ZFPM2: variants seen among roughly 807,000 people sequenced by gnomAD.
ZFPM2 encodes zinc finger protein ZFPM2.
Under a neutral mutation model 98.6 loss-of-function variants are expected in ZFPM2, and 20 were observed. The ratio of observed to expected loss-of-function variants is 0.20; its 90% confidence interval spans 0.14 to 0.29. ZFPM2 has a LOEUF of 0.29. Among genes scored for constraint, ZFPM2 ranks in the 10% least tolerant of loss-of-function variants. The pLI is 1.00. For synonymous variants in ZFPM2, 518 were observed against 502.7 expected (o/e 1.03, Z -0.41); for missense variants, 1,310 against 1,388.6 (o/e 0.94, Z 0.90).
At chr8:105,350,994 C>G (rs1435793102) in intron 1 of ZFPM2, among the ~76,000 whole-genome samples, 1 of 151,746 alleles carries the variant, frequency 6.6e-6, no homozygotes, top group African/African-American at 2.4e-5. Context: ...ACCAGCCTGG[C>G]CAACATGGTG....
intron 4 of ZFPM2, among the ~76,000 whole-genome samples, chr8:105,598,211 C>G (rs1383011797): frequency 6.6e-6 from 1 of 151,836 alleles, no homozygotes; most frequent in Non-Finnish European, 1.5e-5. Flanking sequence ...GGCTTGCTTG[C>G]GCGGAGTCCA....
chr8:105,491,782 T>G (rs1813360720), intron 3 of ZFPM2, among the ~76,000 whole-genome samples: 1 of 152,204 alleles, frequency 6.6e-6, no homozygotes, highest in South Asian at 2.1e-4. Context: ...GTGAATTTAT[T>G]GCCTTATATC....
intron 1 of ZFPM2, among the ~76,000 whole-genome samples, chr8:105,352,589 T>G (rs1333388706): frequency 1.4e-5 from 2 of 145,902 alleles, no homozygotes; most frequent in African/African-American, 5.2e-5. Flanking sequence ...ATTTTACCGT[T>G]TTTTTTTTTT....
intron 1 of ZFPM2, among the ~76,000 whole-genome samples, chr8:105,367,157 G>A (rs985263553): frequency 4.9e-5 from 5 of 103,060 alleles, no homozygotes; most frequent in African/African-American, 1.4e-4. Flanking sequence ...GTCAGGTAGC[G>A]TGATGCCTCC....
chr8:105,378,223 T>A (rs1309685880), intron 1 of ZFPM2, among the ~76,000 whole-genome samples: 3 of 152,134 alleles, frequency 2.0e-5, no homozygotes, highest in African/African-American at 7.2e-5. Context: ...TGGTAATGAA[T>A]GTGAAGAAGA....
At chr8:105,507,192 A>G (rs1365393323) in intron 3 of ZFPM2, among the ~76,000 whole-genome samples, 1 of 152,184 alleles carries the variant, frequency 6.6e-6, no homozygotes, top group Non-Finnish European at 1.5e-5. Context: ...CTAAGATGAA[A>G]GAATATCTAC....
chr8:105,635,395 A>T (rs1816826641), intron 5 of ZFPM2, among the ~76,000 whole-genome samples: 1 of 152,032 alleles, frequency 6.6e-6, no homozygotes, highest in African/African-American at 2.4e-5. Context: ...TTATAAGAGG[A>T]TTGTCTCTTA....
chr8:105,449,391 C>G (rs1812442116), intron 3 of ZFPM2, among the ~76,000 whole-genome samples: 1 of 151,908 alleles, frequency 6.6e-6, no homozygotes, highest in African/African-American at 2.4e-5. Context: ...TTGACACAAA[C>G]TTTTCAGGAT....
chr8:105,404,375 G>A (rs560477074), intron 1 of ZFPM2, among the ~76,000 whole-genome samples: 24 of 151,870 alleles, frequency 1.6e-4, no homozygotes, highest in Admixed American at 1.2e-3. Flanking sequence ...TTCCCTCTTT[G>A]TTTGAGATTT....
Position 105,362,674 on chromosome 8 carries a change from G to C in ZFPM2, c.40+43693G>C, listed in dbSNP as rs112263709. 9.2e-3 allele frequency among the ~76,000 whole-genome samples: 1,400 copies of C among 152,286 alleles called. 18 individuals carry two copies. The highest frequency in any genetic ancestry group is 0.032 in the African/African-American group (1,334 of 41,568). ...ACACAGTTCCTTTTCTCAAAATGGT[G>C]TTCCCCTGAGTGAATAAATGCGCGG... On this transcript the variant is annotated intron_variant, in intron 1 of 7. Transcript: ENST00000407775.
intron 1 of ZFPM2, among the ~76,000 whole-genome samples, chr8:105,320,393 A>G (rs75820646): frequency 0.011 from 1,688 of 152,158 alleles, 16 homozygotes; most frequent in African/African-American, 0.032. Context: ...TAAAGCAAGT[A>G]CTGGACTTCA....
intron 3 of ZFPM2, among the ~76,000 whole-genome samples, chr8:105,494,820 C>T (rs1313536837): frequency 2.6e-5 from 4 of 151,982 alleles, no homozygotes; most frequent in African/African-American, 4.8e-5. Context: ...GTCCATATAG[C>T]AAATATTTTA....
At chr8:105,769,016 G>T (rs1370332971) in intron 5 of ZFPM2, among the ~76,000 whole-genome samples, 7 of 151,970 alleles carry the variant, frequency 4.6e-5, no homozygotes, top group Non-Finnish European at 1.0e-4. Context: ...TGTACCTAGA[G>T]ATTTGCAAGT....
At chr8:105,651,225 C>T (rs1342776256) in intron 5 of ZFPM2, among the ~76,000 whole-genome samples, 1 of 152,076 alleles carries the variant, frequency 6.6e-6, no homozygotes, top group Admixed American at 6.5e-5. Flanking sequence ...TATTTTGTAA[C>T]TACTCAGTGC....
At chr8:105,467,742 C>T (rs1181091760) in intron 3 of ZFPM2, among the ~76,000 whole-genome samples, 1 of 151,974 alleles carries the variant, frequency 6.6e-6, no homozygotes, top group East Asian at 1.9e-4. Context: ...CATACACATA[C>T]ACACACACAT....
At chr8:105,549,978 A>AATATTTATTTAT in intron 3 of ZFPM2, among the ~76,000 whole-genome samples, 2 of 152,248 alleles carry the variant, frequency 1.3e-5, no homozygotes, top group East Asian at 3.9e-4. Context: ...CTTCAGAGAA[A>AATATTTATTTAT]ATATTTAGTT....
chr8:105,320,368 C>G (rs780075145), intron 1 of ZFPM2, among the ~76,000 whole-genome samples: 1 of 151,868 alleles, frequency 6.6e-6, no homozygotes, highest in African/African-American at 2.4e-5. Flanking sequence ...AGTTCTCACT[C>G]TATGCAACTT....
At chr8:105,666,354 G>A (rs1475322602) in intron 5 of ZFPM2, among the ~76,000 whole-genome samples, 2 of 152,098 alleles carry the variant, frequency 1.3e-5, no homozygotes, top group Admixed American at 6.6e-5. Context: ...GAAAATTATC[G>A]ATAACACACC....
rs1812300027 is a variant in ZFPM2, at chr8:105,443,328, A to AAAAAAAAAC, written c.200-944_200-943insCAAAAAAAA. ...ACTCCTTCTCAAAAAACAAAAAACA[A>AAAAAAAAAC]AAAAAAAAAAACTTGGCATTATTAA... is the stretch of plus-strand genomic sequence containing the variant. On this transcript the variant is annotated intron_variant, in intron 2 of 7. Transcript: ENST00000407775. Among the ~76,000 whole-genome samples, 12 of 146,542 alleles carry AAAAAAAAAC rather than the reference A, an allele frequency of 8.2e-5. 2 individuals are homozygous for AAAAAAAAAC. Among genetic ancestry groups the AAAAAAAAAC allele is most frequent in the African/African-American group, 3.1e-4 (12 of 39,044 alleles).
Sources: gnomAD v4.1 joint callset for allele counts (sites outside exome capture counted in the v4.1 genomes callset) on GRCh38, gnomAD v4.1.1 for gene constraint, MANE v1.5 for transcripts, NCBI Gene and HGNC (gene_info 2026-07-23, HGNC 2026-07-21) for gene names.